The following VTI1A variants were observed in gnomAD, a reference collection of about 807,000 sequenced individuals.
VTI1A encodes the protein vesicle transport through interaction with t-SNAREs 1A.
VTI1A carries 22 observed loss-of-function variants against 34.9 expected under a neutral mutation model. That is an observed-to-expected ratio of 0.63 (90% CI 0.45 to 0.90). The LOEUF is 0.90. Among genes scored for constraint, VTI1A ranks in the 40% least tolerant of loss-of-function variants. The pLI is 0.00. For synonymous variants in VTI1A, 87 were observed against 97.3 expected, an observed-to-expected ratio of 0.89 and a Z score of 0.62; for missense variants, 268 against 275.6, an observed-to-expected ratio of 0.97 and a Z score of 0.20.
At chr10:112,511,732 TC>T (rs1014238205) in intron 3 of VTI1A, among the ~76,000 whole-genome samples, 7 of 152,176 alleles carry the variant, frequency 4.6e-5, no homozygotes, top group African/African-American at 1.7e-4. Context: ...AATTCAACTT[TC>T]CCAGACCCTG....
chr10:112,572,354 A>G (rs1361299800), intron 5 of VTI1A, among the ~76,000 whole-genome samples: 1 of 152,194 alleles, frequency 6.6e-6, no homozygotes, highest in Non-Finnish European at 1.5e-5. Flanking sequence ...TTATTCCTAC[A>G]TTTAAATTCT....
intron 5 of VTI1A, among the ~76,000 whole-genome samples, chr10:112,597,050 G>C (rs1308865402): frequency 6.6e-6 from 1 of 152,162 alleles, no homozygotes; most frequent in Non-Finnish European, 1.5e-5. Context: ...TCTAATGCCA[G>C]ATGGTTCTGT....
At chr10:112,798,601 G>A (rs1852758458) in intron 7 of VTI1A, among the ~76,000 whole-genome samples, 1 of 152,100 alleles carries the variant, frequency 6.6e-6, no homozygotes, top group Non-Finnish European at 1.5e-5. Context: ...ACCTGAGAGA[G>A]TGATCAAAGG....
At chr10:112,511,800 T>C (rs1488970020) in intron 3 of VTI1A, among the ~76,000 whole-genome samples, 1 of 152,168 alleles carries the variant, frequency 6.6e-6, no homozygotes, top group Non-Finnish European at 1.5e-5. Flanking sequence ...TTCCCACATA[T>C]AAGTGAGAAC....
chr10:112,600,662 C>T (rs1277317120), intron 5 of VTI1A, among the ~76,000 whole-genome samples: 4 of 152,152 alleles, frequency 2.6e-5, no homozygotes, highest in Admixed American at 2.6e-4. Flanking sequence ...GGTTTATTGT[C>T]TTTTCTTCCC....
At chr10:112,467,854 G>C (rs556005810) in intron 3 of VTI1A, among the ~76,000 whole-genome samples, 53 of 152,174 alleles carry the variant, frequency 3.5e-4, no homozygotes, top group Admixed American at 1.0e-3. Flanking sequence ...TGAGTACTAT[G>C]GTGTGTCAGG....
intron 3 of VTI1A, among the ~76,000 whole-genome samples, chr10:112,516,042 AT>A (rs2134191764): frequency 1.3e-5 from 2 of 152,200 alleles, no homozygotes; most frequent in African/African-American, 4.8e-5. Context: ...ATCTATTTGT[AT>A]GACAGTTCAA....
At chr10:112,772,122 T>A (rs1164236673) in intron 7 of VTI1A, among the ~76,000 whole-genome samples, 1 of 152,240 alleles carries the variant, frequency 6.6e-6, no homozygotes, top group East Asian at 1.9e-4. Flanking sequence ...TTTGAAGAAC[T>A]GGCAAACTGC....
rs546471263 is a variant in VTI1A, at chr10:112,455,885, G to T, written c.95-4639G>T. On this transcript the variant is annotated intron_variant, in intron 1 of 7. Transcript: ENST00000393077. The stretch of plus-strand genomic sequence containing the variant: ...CTATTCCAATTTAATTATTTTTTTC[G>T]TGAAGGGAAATTTGTCATTTCAAAT... 3.3e-5 allele frequency among the ~76,000 whole-genome samples: 5 copies of T among 151,610 alleles called. No homozygotes were observed. The South Asian group carries it at 8.3e-4, about 25-fold the overall frequency.
the VTI1A span, among the ~76,000 whole-genome samples, chr10:112,854,960 C>A: frequency 2.0e-5 from 3 of 152,280 alleles, no homozygotes; most frequent in South Asian, 6.2e-4. Flanking sequence ...GGGTCAGTAA[C>A]CACAGGATTC....
intron 5 of VTI1A, among the ~76,000 whole-genome samples, chr10:112,574,466 C>T (rs1343159683): frequency 3.3e-5 from 5 of 152,208 alleles, no homozygotes; most frequent in African/African-American, 7.2e-5. Context: ...GCTAAATCAA[C>T]GAACATTTGT....
chr10:112,461,160 G>A (rs1187694615), intron 2 of VTI1A, among the ~76,000 whole-genome samples: 1 of 152,212 alleles, frequency 6.6e-6, no homozygotes, highest in Non-Finnish European at 1.5e-5. Context: ...TCCCACAGTG[G>A]TGATGCAGGC....
chr10:112,565,691 C>G (rs1354712806), intron 5 of VTI1A, among the ~76,000 whole-genome samples: 1 of 152,126 alleles, frequency 6.6e-6, no homozygotes, highest in Non-Finnish European at 1.5e-5. Flanking sequence ...TCTTGTGCTG[C>G]CAGTAGTACA....
intron 3 of VTI1A, among the ~76,000 whole-genome samples, chr10:112,491,130 A>G (rs916265234): frequency 6.6e-6 from 1 of 152,188 alleles, no homozygotes; most frequent in Admixed American, 6.5e-5. Context: ...CAAACTCAGG[A>G]GAAGTTGTAG....
chr10:112,697,329 G>C (rs1848825361), intron 7 of VTI1A, among the ~76,000 whole-genome samples: 1 of 151,278 alleles, frequency 6.6e-6, no homozygotes, highest in Non-Finnish European at 1.5e-5. Context: ...AAGTAGCTGG[G>C]ACTATAGGTG....
At chr10:112,853,692 C>A in the VTI1A span, among the ~76,000 whole-genome samples, 3 of 152,098 alleles carry the variant, frequency 2.0e-5, no homozygotes, top group African/African-American at 7.2e-5. Context: ...AGTGTTTTAT[C>A]CATTTCAATG....
At chr10:112,744,892 G>A (rs1850839303) in intron 7 of VTI1A, among the ~76,000 whole-genome samples, 1 of 152,164 alleles carries the variant, frequency 6.6e-6, no homozygotes, top group Non-Finnish European at 1.5e-5. Flanking sequence ...ATATCCAGGG[G>A]TAGAACAGGT....
chr10:112,463,313 A>G (rs1388208596), intron 2 of VTI1A, among the ~76,000 whole-genome samples: 1 of 148,550 alleles, frequency 6.7e-6, no homozygotes, highest in Non-Finnish European at 1.5e-5. Context: ...ACTTGCAATC[A>G]TCGTTACTAG....
chr10:112,459,848 A>G (rs185408127), intron 1 of VTI1A, among the ~76,000 whole-genome samples: 1 of 152,352 alleles, frequency 6.6e-6, no homozygotes, highest in East Asian at 1.9e-4. Flanking sequence ...GAGACTTAGC[A>G]CTTTATAATA....
Sources: allele counts gnomAD v4.1 joint callset (sites outside exome capture counted in the v4.1 genomes callset), GRCh38; gene constraint gnomAD v4.1.1; transcripts MANE v1.5; gene names NCBI Gene and HGNC (gene_info 2026-07-23, HGNC 2026-07-21).